PIK3C3: variants seen among roughly 807,000 people sequenced by gnomAD.
PIK3C3 encodes PI3-kinase type 3.
In PIK3C3, 95 loss-of-function variants were observed where a neutral mutation model predicts 126.1. That is an observed-to-expected ratio of 0.75 (90% CI 0.64 to 0.89). The LOEUF (loss-of-function observed/expected upper bound fraction) is 0.89, where lower values mean the gene tolerates loss of function less well. PIK3C3 is among the 40% of genes least tolerant of loss of function. PIK3C3 has a pLI of 0.00. For missense variants in PIK3C3, 829 were observed against 1,063.2 expected (o/e 0.78, Z 3.06); for synonymous variants, 374 against 360.0 (o/e 1.04, Z -0.44).
chr18:41,998,220 A>G (rs1312093024), intron 9 of PIK3C3, among the ~76,000 whole-genome samples: 1 of 152,140 alleles, frequency 6.6e-6, no homozygotes. Context: ...AGAATTTTCA[A>G]TTTACTATAG....
intron 3 of PIK3C3, among the ~76,000 whole-genome samples, chr18:41,964,398 A>C (rs533439213): frequency 6.6e-6 from 1 of 152,126 alleles, no homozygotes; most frequent in Non-Finnish European, 1.5e-5. Flanking sequence ...CCTTGGGCAG[A>C]TTATTTAATC....
chr18:42,057,861 T>G (rs1320987866), intron 21 of PIK3C3, 22 bp from the exon 22 acceptor site: 2 of 1,611,730 alleles, frequency 1.2e-6, no homozygotes, highest in Non-Finnish European at 8.5e-7. Context: ...TGGAAACAAA[T>G]GAGTTTCTTG....
intron 20 of PIK3C3, among the ~76,000 whole-genome samples, chr18:42,047,856 T>C (rs1365623713): frequency 3.3e-5 from 5 of 152,226 alleles, no homozygotes; most frequent in Admixed American, 1.3e-4. Flanking sequence ...GATCACATTT[T>C]GTGTAGCAAT....
chr18:42,010,566 A>G (rs942167208), intron 10 of PIK3C3, among the ~76,000 whole-genome samples: 1 of 152,088 alleles, frequency 6.6e-6, no homozygotes, highest in African/African-American at 2.4e-5. Context: ...GGGTTTCGCC[A>G]TGTTAGCCAG....
intron 7 of PIK3C3, among the ~76,000 whole-genome samples, chr18:41,994,611 T>G (rs1252943524): frequency 6.6e-6 from 1 of 152,106 alleles, no homozygotes; most frequent in Non-Finnish European, 1.5e-5. Context: ...GTATATGATA[T>G]AGGTGGCATT....
intron 15 of PIK3C3, among the ~76,000 whole-genome samples, chr18:42,032,093 G>A (rs1404760511): frequency 6.6e-6 from 1 of 152,222 alleles, no homozygotes; most frequent in East Asian, 1.9e-4. Flanking sequence ...GCCAGGTAAG[G>A]CCTCACTGAG....
Position 42,067,376 on chromosome 18 carries a change from GTTATC to G in PIK3C3, c.2524-7_2524-3del. The G allele has an allele frequency of 6.2e-7, 1 of 1,613,570 alleles. No individual in the cohort carries two copies. Among genetic ancestry groups the G allele is most frequent in the African/African-American group, 1.3e-5 (1 of 75,046 alleles). ...TTTCTTCGTTGTAAAGACTAAGAGT[GTTATC>G]TTATAGGTTCAGGATAAATTCCGCT... On this transcript the variant is annotated splice_region_variant and splice_polypyrimidine_tract_variant and intron_variant, in intron 23 of 24. Transcript: ENST00000262039.
chr18:41,981,446 T>C (rs1472281804), intron 4 of PIK3C3, among the ~76,000 whole-genome samples: 1 of 152,200 alleles, frequency 6.6e-6, no homozygotes, highest in African/African-American at 2.4e-5. Flanking sequence ...TCTTCCTGAA[T>C]AATAAGATTT....
chr18:41,974,701 C>A (rs1295488456), intron 4 of PIK3C3, among the ~76,000 whole-genome samples: 2 of 152,086 alleles, frequency 1.3e-5, no homozygotes, highest in Non-Finnish European at 2.9e-5. Flanking sequence ...GTCCATGACC[C>A]AGGCTTTTGG....
chr18:42,009,845 T>A (rs1429494079), intron 10 of PIK3C3, among the ~76,000 whole-genome samples: 1 of 152,160 alleles, frequency 6.6e-6, no homozygotes, highest in Non-Finnish European at 1.5e-5. Flanking sequence ...TTAACAATCA[T>A]CTGAGCCCTT....
chr18:42,038,912 T>C, intron 18 of PIK3C3, 62 bp downstream of exon 18: 2 of 1,126,136 alleles, frequency 1.8e-6, no homozygotes, highest in Admixed American at 2.3e-5. Context: ...TTTTTCAAAT[T>C]GAAAATTTTT....
At chr18:42,044,830 T>C (rs1315332547) in intron 20 of PIK3C3, among the ~76,000 whole-genome samples, 1 of 152,238 alleles carries the variant, frequency 6.6e-6, no homozygotes, top group Non-Finnish European at 1.5e-5. Context: ...TGATGTGTTA[T>C]AACTATTTTA....
Position 42,020,669 on chromosome 18 carries a change from C to A in PIK3C3, c.1448C>A (p.Ala483Asp). ...QDLCTFLISR[A>D]CKNSTLANYL... ...CTCTGTACCTTCTTGATATCGAGAG[C>A]CTGCAAAAACTCAACACTGGCTAAT... The change falls in exon 13 of 25, where the codon GCC becomes GAC. Residue 483 changes from alanine to aspartate, a missense_variant. Ala to Asp is a moderately radical substitution (Grantham distance 126). This residue lies in a region of PIK3C3 where 256 missense variants were observed against 291.0 expected (regional missense o/e 0.88). Transcript: ENST00000262039. The A allele has an allele frequency of 6.2e-7, 1 of 1,604,334 alleles. No individual in the cohort carries two copies. Among genetic ancestry groups the A allele is most frequent in the Non-Finnish European group, 8.5e-7 (1 of 1,172,426 alleles).
intron 21 of PIK3C3, among the ~76,000 whole-genome samples, chr18:42,054,308 G>A (rs866193164): frequency 6.7e-5 from 10 of 150,296 alleles, no homozygotes; most frequent in East Asian, 4.0e-4. Context: ...ACTTGGAGTC[G>A]GATGTTCGAG....
intron 13 of PIK3C3, chr18:42,026,409 C>T (rs1983571359): frequency 6.6e-6 from 1 of 152,108 alleles, no homozygotes; most frequent in South Asian, 2.1e-4. Context: ...GAAACTTTTC[C>T]GTTTTATACA....
At chr18:41,997,005 A>G (rs1355909495) in intron 9 of PIK3C3, among the ~76,000 whole-genome samples, 3 of 152,122 alleles carry the variant, frequency 2.0e-5, no homozygotes, top group Non-Finnish European at 2.9e-5. Context: ...TTTGTTTGGT[A>G]GGATGAGGCA....
At chr18:41,972,043 G>A (rs760634253) in intron 4 of PIK3C3, among the ~76,000 whole-genome samples, 1 of 152,084 alleles carries the variant, frequency 6.6e-6, no homozygotes, top group African/African-American at 2.4e-5. Context: ...AGGCATCGGT[G>A]TATGGAGTAT....
intron 3 of PIK3C3, among the ~76,000 whole-genome samples, chr18:41,968,257 A>G (rs563413744): frequency 3.3e-5 from 5 of 152,312 alleles, no homozygotes; most frequent in Non-Finnish European, 7.4e-5. Context: ...GCCTTCTGCT[A>G]TTTCTGAAGG....
At chr18:42,027,397 C>CT (rs759419557) in intron 13 of PIK3C3, 46 bp from the exon 14 acceptor site, 2 of 1,085,494 alleles carry the variant, frequency 1.8e-6, no homozygotes, top group African/African-American at 1.6e-5. Flanking sequence ...CAAACTGAAT[C>CT]TAAGTTTCAT....
Sources: gnomAD v4.1 joint callset for allele counts (sites outside exome capture counted in the v4.1 genomes callset) on GRCh38, gnomAD v4.1.1 for gene constraint, gnomAD v4.1.1 regional missense constraint, MANE v1.5 for transcripts, NCBI Gene and HGNC (gene_info 2026-07-23, HGNC 2026-07-21) for gene names.